Variants in MACROD2 observed in about 807,000 individuals in gnomAD.
MACROD2 encodes ADP-ribose glycohydrolase MACROD2.
Under a neutral mutation model 70.4 loss-of-function variants are expected in MACROD2, and 36 were observed. The observed-to-expected ratio is 0.51, with a 90% confidence interval of 0.39 to 0.68. The LOEUF (loss-of-function observed/expected upper bound fraction) is 0.68. Ranked by LOEUF, MACROD2 falls within the 30% of genes least tolerant of loss-of-function variation. The probability of loss-of-function intolerance (pLI) is 0.00; values close to 1 mark genes in which losing one functional copy is unlikely to be tolerated. For missense variants in MACROD2, 496 were observed against 538.4 expected, an observed-to-expected ratio of 0.92 and a Z score of 0.78; for synonymous variants, 172 against 178.8, an observed-to-expected ratio of 0.96 and a Z score of 0.30.
intron 5 of MACROD2, among the ~76,000 whole-genome samples, chr20:15,086,998 ATACT>A (rs2075753782): frequency 6.6e-6 from 1 of 152,086 alleles, no homozygotes; most frequent in African/African-American, 2.4e-5. Flanking sequence ...GATGTAGAAA[ATACT>A]TCCAAAACAT....
intron 5 of MACROD2, among the ~76,000 whole-genome samples, chr20:15,076,193 T>C (rs1392136913): frequency 6.6e-6 from 1 of 152,160 alleles, no homozygotes; most frequent in Admixed American, 6.5e-5. Context: ...CCAATATTTT[T>C]AATGTCCTTG....
chr20:15,123,820 T>A (rs1165290903), intron 5 of MACROD2, among the ~76,000 whole-genome samples: 7 of 152,156 alleles, frequency 4.6e-5, no homozygotes, highest in African/African-American at 1.7e-4. Flanking sequence ...ACTTTATTTC[T>A]GCCCATTTAT....
chr20:14,808,253 A>C (rs1272098169), intron 5 of MACROD2, among the ~76,000 whole-genome samples: 1 of 152,152 alleles, frequency 6.6e-6, no homozygotes, highest in South Asian at 2.1e-4. Context: ...AAACTCTACA[A>C]TACAGAAGAG....
At chr20:15,599,348 C>G (rs1307952385) in intron 8 of MACROD2, among the ~76,000 whole-genome samples, 1 of 152,022 alleles carries the variant, frequency 6.6e-6, no homozygotes, top group Non-Finnish European at 1.5e-5. Flanking sequence ...GCCGAGATCG[C>G]GCCACTGCAC....
chr20:14,045,081 G>A (rs896806634), intron 2 of MACROD2, among the ~76,000 whole-genome samples: 1 of 152,166 alleles, frequency 6.6e-6, no homozygotes, highest in African/African-American at 2.4e-5. Context: ...CTCCGAGTGC[G>A]GGGCCCGAGG....
intron 5 of MACROD2, among the ~76,000 whole-genome samples, chr20:14,975,162 G>A (rs971573466): frequency 1.3e-5 from 2 of 151,986 alleles, no homozygotes; most frequent in African/African-American, 4.8e-5. Context: ...AATATCCACC[G>A]GGGTGAGGGG....
intron 12 of MACROD2, among the ~76,000 whole-genome samples, chr20:15,949,162 G>A (rs1032107550): frequency 6.6e-6 from 1 of 152,120 alleles, no homozygotes; most frequent in East Asian, 1.9e-4. Context: ...TTTCTGATGT[G>A]TAAAAAATGG....
intron 5 of MACROD2, among the ~76,000 whole-genome samples, chr20:14,927,831 GT>G (rs1282504774): frequency 1.3e-5 from 2 of 152,144 alleles, no homozygotes; most frequent in Non-Finnish European, 2.9e-5. Context: ...ATTACTATAT[GT>G]AAAAAACAAC....
At chr20:15,124,910 A>G (rs781147974) in intron 5 of MACROD2, among the ~76,000 whole-genome samples, 12 of 151,998 alleles carry the variant, frequency 7.9e-5, no homozygotes, top group Non-Finnish European at 1.5e-4. Flanking sequence ...GCCATTTGAA[A>G]AAAACACAAG....
chr20:14,247,785 G>T (rs913281360), intron 3 of MACROD2, among the ~76,000 whole-genome samples: 1 of 152,160 alleles, frequency 6.6e-6, no homozygotes, highest in African/African-American at 2.4e-5. Context: ...TCAAAGGAAG[G>T]TTTCTAAGAC....
chr20:15,705,625 G>C (rs1427824558), intron 8 of MACROD2, among the ~76,000 whole-genome samples: 2 of 152,050 alleles, frequency 1.3e-5, no homozygotes, highest in African/African-American at 4.8e-5. Flanking sequence ...CACCATGTTG[G>C]CCAGGCTGGT....
chr20:14,028,426 T>C (rs1327013939), intron 2 of MACROD2, among the ~76,000 whole-genome samples: 1 of 152,056 alleles, frequency 6.6e-6, no homozygotes, highest in African/African-American at 2.4e-5. Flanking sequence ...TCCAGGGGAA[T>C]GAACAGTACG....
chr20:15,611,582 C>G (rs2048970723), intron 8 of MACROD2, among the ~76,000 whole-genome samples: 1 of 151,866 alleles, frequency 6.6e-6, no homozygotes, highest in Admixed American at 6.6e-5. Flanking sequence ...AGGTGCTGGT[C>G]ACAGTCCCAT....
chr20:15,753,139 C>A (rs111654008), intron 8 of MACROD2, among the ~76,000 whole-genome samples: 22 of 151,968 alleles, frequency 1.4e-4, no homozygotes, highest in African/African-American at 4.8e-4. Context: ...TTTTCAACTT[C>A]TTATTTTAGA....
chr20:15,563,795 A>G (rs1448384409), intron 8 of MACROD2, among the ~76,000 whole-genome samples: 1 of 152,212 alleles, frequency 6.6e-6, no homozygotes, highest in Non-Finnish European at 1.5e-5. Flanking sequence ...GATATAGCAC[A>G]TTGTTTGTCT....
At chr20:15,440,170 C>T (rs1407164610) in intron 7 of MACROD2, among the ~76,000 whole-genome samples, 2 of 152,012 alleles carry the variant, frequency 1.3e-5, no homozygotes, top group East Asian at 3.9e-4. Flanking sequence ...AAGTGTATTC[C>T]GTGAGTACTT....
chr20:14,502,842 T>C (rs1391954104), intron 4 of MACROD2, among the ~76,000 whole-genome samples: 1 of 152,206 alleles, frequency 6.6e-6, no homozygotes, highest in African/African-American at 2.4e-5. Flanking sequence ...TGAGGATTTT[T>C]CCTACAAATA....
At chr20:14,685,954 C>T (rs567617265) in intron 5 of MACROD2, among the ~76,000 whole-genome samples, 13 of 152,072 alleles carry the variant, frequency 8.5e-5, no homozygotes, top group South Asian at 4.2e-4. Flanking sequence ...TGGAGAATAG[C>T]GTGTTATATT....
intron 5 of MACROD2, among the ~76,000 whole-genome samples, chr20:14,989,979 G>GGGGATCTTCATGAGCTGTGA (rs2074887074): frequency 6.6e-6 from 1 of 152,030 alleles, no homozygotes; most frequent in African/African-American, 2.4e-5. Context: ...ATGAGCTGTG[G>GGGGATCTTCATGAGCTGTGA]TTTCTCTGGG....
Sources: gnomAD v4.1 joint callset for allele counts (sites outside exome capture counted in the v4.1 genomes callset) on GRCh38, gnomAD v4.1.1 for gene constraint, MANE v1.5 for transcripts, NCBI Gene and HGNC (gene_info 2026-07-23, HGNC 2026-07-21) for gene names.